The following ELOVL6 variants were observed in gnomAD, a reference collection of about 807,000 sequenced individuals.
ELOVL6 encodes the protein very long chain fatty acid elongase 6.
Under a neutral mutation model 31.7 loss-of-function variants are expected in ELOVL6, and 8 were observed. The observed-to-expected ratio is 0.25, with a 90% CI of 0.15 to 0.45. The LOEUF (loss-of-function observed/expected upper bound fraction) is 0.45, where lower values mean the gene tolerates loss of function less well. Among genes scored for constraint, ELOVL6 ranks in the 20% least tolerant of loss-of-function variants. The pLI is 1.00. For synonymous variants in ELOVL6, 101 were observed against 117.7 expected (o/e 0.86, Z 0.92); for missense variants, 126 against 326.4 (o/e 0.39, Z 4.73).
chr4:110,171,679 C>CTTTTTTT (rs70956406), intron 1 of ELOVL6, among the ~76,000 whole-genome samples: 4 of 66,194 alleles, frequency 6.0e-5, no homozygotes, highest in African/African-American at 1.6e-4. Flanking sequence ...ATAATATCCT[C>CTTTTTTT]TTTTTTTTTT....
intron 2 of ELOVL6, among the ~76,000 whole-genome samples, chr4:110,066,854 G>C (rs1394319321): frequency 6.6e-6 from 1 of 151,878 alleles, no homozygotes; most frequent in Non-Finnish European, 1.5e-5. Context: ...ACCCATCAAC[G>C]CATCATCTAG....
chr4:110,084,553 CACACACACAG>C (rs1374049678), intron 2 of ELOVL6, among the ~76,000 whole-genome samples: 3 of 57,940 alleles, frequency 5.2e-5, no homozygotes, highest in African/African-American at 3.1e-4. Flanking sequence ...CACACACACA[CACACACACAG>C]ATATATATAT....
chr4:110,054,376 A>G (rs973892250), intron 3 of ELOVL6, among the ~76,000 whole-genome samples: 1 of 152,210 alleles, frequency 6.6e-6, no homozygotes, highest in Non-Finnish European at 1.5e-5. Context: ...CCGTTTCTGT[A>G]TAAGTACTAC....
intron 1 of ELOVL6, among the ~76,000 whole-genome samples, chr4:110,185,650 A>G (rs1759415703): frequency 6.6e-6 from 1 of 152,208 alleles, no homozygotes; most frequent in South Asian, 2.1e-4. Context: ...TAATATGTAC[A>G]AGTAGTATTA....
intron 2 of ELOVL6, among the ~76,000 whole-genome samples, chr4:110,068,777 G>A (rs1345846552): frequency 6.6e-6 from 1 of 152,114 alleles, no homozygotes; most frequent in African/African-American, 2.4e-5. Context: ...AAGAAATGTG[G>A]GGGGCCAAGT....
chr4:110,109,080 C>T (rs1465708369), intron 1 of ELOVL6, among the ~76,000 whole-genome samples: 2 of 152,086 alleles, frequency 1.3e-5, no homozygotes, highest in Admixed American at 1.3e-4. Flanking sequence ...CAATTATATT[C>T]AAGATGAATA....
intron 2 of ELOVL6, among the ~76,000 whole-genome samples, chr4:110,068,503 C>A (rs1239761355): frequency 6.6e-6 from 1 of 152,214 alleles, no homozygotes; most frequent in East Asian, 1.9e-4. Context: ...CAGAAAACTT[C>A]ATCGCAAACA....
intron 1 of ELOVL6, among the ~76,000 whole-genome samples, chr4:110,170,319 G>C (rs979523651): frequency 2.6e-5 from 4 of 152,142 alleles, no homozygotes; most frequent in African/African-American, 4.8e-5. Flanking sequence ...CAAGATAAAG[G>C]CTTGAACTTT....
chr4:110,091,674 C>CA (rs1317893376), intron 2 of ELOVL6, among the ~76,000 whole-genome samples: 1 of 152,146 alleles, frequency 6.6e-6, no homozygotes, highest in Non-Finnish European at 1.5e-5. Context: ...CGGGTTAACA[C>CA]AAATACCAGC....
intron 1 of ELOVL6, among the ~76,000 whole-genome samples, chr4:110,172,710 C>T (rs1034687813): frequency 6.6e-6 from 1 of 152,132 alleles, no homozygotes; most frequent in African/African-American, 2.4e-5. Context: ...AAAATATATG[C>T]TTACAAAAAT....
intron 2 of ELOVL6, among the ~76,000 whole-genome samples, chr4:110,082,495 C>CA (rs1198641869): frequency 1.3e-5 from 2 of 151,632 alleles, no homozygotes; most frequent in African/African-American, 2.4e-5. Context: ...ATCGCAAGGA[C>CA]AAAAAACCAA....
rs1175399760 is a variant in ELOVL6 at position 110,046,641 on chromosome 4, G to A, written c.*4697C>T. On this transcript the variant is annotated 3_prime_UTR_variant, in exon 4 of 4. Coordinates refer to ENST00000302274, the MANE Select transcript of ELOVL6 (RefSeq NM_024090.3). ...ATGTTCTTCAAAGCTCTGTGCATGT[G>A]CCCTGTACCGGCCTCTTTAGCTATG... 6.6e-6 allele frequency: 1 copy of A among 152,230 alleles called. No homozygotes were observed. The highest frequency in any genetic ancestry group is 1.5e-5 in the Non-Finnish European group (1 of 68,058). The allele number at this position is 152,230 out of a possible 1,614,324, so 9.4% of individuals were successfully genotyped here. A position where few individuals can be genotyped will look rare whatever the true frequency, so the allele number is the denominator to read the frequency against.
At chr4:110,095,124 C>T (rs1315514115) in intron 2 of ELOVL6, among the ~76,000 whole-genome samples, 1 of 152,112 alleles carries the variant, frequency 6.6e-6, no homozygotes, top group Admixed American at 6.5e-5. Flanking sequence ...TAAGCAATAA[C>T]TAAGATTTAC....
chr4:110,070,556 G>A (rs985054009), intron 2 of ELOVL6, among the ~76,000 whole-genome samples: 19 of 152,228 alleles, frequency 1.2e-4, no homozygotes, highest in Middle Eastern at 6.8e-3. Flanking sequence ...TAGGTTTCAC[G>A]TTCTCATGAG....
intron 1 of ELOVL6, among the ~76,000 whole-genome samples, chr4:110,160,101 CACACACACACAA>C (rs1235517577): frequency 1.3e-5 from 2 of 151,778 alleles, no homozygotes; most frequent in Non-Finnish European, 2.9e-5. Context: ...AACTTACACA[CACACACACACAA>C]ACACACACAC....
chr4:110,070,990 A>G (rs1755463416), intron 2 of ELOVL6, among the ~76,000 whole-genome samples: 1 of 152,236 alleles, frequency 6.6e-6, no homozygotes, highest in Non-Finnish European at 1.5e-5. Flanking sequence ...ACCATGATAT[A>G]TAACATTATC....
At chr4:110,073,523 G>A (rs1755548774) in intron 2 of ELOVL6, among the ~76,000 whole-genome samples, 1 of 152,150 alleles carries the variant, frequency 6.6e-6, no homozygotes, top group Admixed American at 6.5e-5. Flanking sequence ...CATAATAAAG[G>A]TTTCAAAAAG....
At chr4:110,118,679 C>A (rs1050452100) in intron 1 of ELOVL6, among the ~76,000 whole-genome samples, 1 of 152,156 alleles carries the variant, frequency 6.6e-6, no homozygotes, top group South Asian at 2.1e-4. Context: ...ATGTTGGCTG[C>A]TGTGAATAAT....
intron 3 of ELOVL6, among the ~76,000 whole-genome samples, chr4:110,059,015 G>C (rs1235281939): frequency 6.6e-6 from 1 of 152,120 alleles, no homozygotes; most frequent in Non-Finnish European, 1.5e-5. Flanking sequence ...CAAGGGTTGA[G>C]GGAAAAATTA....
Sources: allele counts gnomAD v4.1 joint callset (sites outside exome capture counted in the v4.1 genomes callset), GRCh38; gene constraint gnomAD v4.1.1; transcripts MANE v1.5; gene names NCBI Gene and HGNC (gene_info 2026-07-23, HGNC 2026-07-21).